Variants in FLNB observed in about 807,000 individuals in gnomAD.
FLNB encodes the protein filamin B.
A neutral mutation model predicts 250.6 loss-of-function variants in FLNB; 111 were observed. The observed-to-expected ratio is 0.44, with a 90% confidence interval of 0.38 to 0.52. The LOEUF is 0.52. Among genes scored for constraint, FLNB ranks in the 20% least tolerant of loss-of-function variants. FLNB has a pLI of 0.00. For missense variants in FLNB, 2,869 were observed against 3,447.8 expected (o/e 0.83, Z 4.20); for synonymous variants, 1,302 against 1,372.1 (o/e 0.95, Z 1.13).
In FLNB at chr3:58,126,681, G is replaced by A; in HGVS notation, c.4141G>A (p.Gly1381Ser). 1 of 1,613,690 alleles carries A rather than the reference G, an allele frequency of 6.2e-7. No individual in the cohort carries two copies. Among genetic ancestry groups the A allele is most frequent in the Non-Finnish European group, 8.5e-7 (1 of 1,179,588 alleles). ...SKINCRDNKD[G>S]SCSAEYIPFA... ...GATAAATTGCAGAGACAACAAGGATGGCAGCTGCAGTGCTGAGTACATTCC... is the reference window on the plus strand; with the variant it reads ...GATAAATTGCAGAGACAACAAGGATAGCAGCTGCAGTGCTGAGTACATTCC... Residue 1381 changes from glycine to serine, a missense_variant, in exon 24 of 46, where the codon GGC becomes AGC. Coordinates refer to ENST00000295956, the MANE Select transcript of FLNB (RefSeq NM_001457.4).
chr3:58,020,297 C>T (rs945411408), intron 1 of FLNB, among the ~76,000 whole-genome samples: 2 of 152,196 alleles, frequency 1.3e-5, no homozygotes, highest in Non-Finnish European at 2.9e-5. Context: ...TAGCACCCAG[C>T]CTTTATCAGT....
chr3:58,084,896 T>A (rs892505268), intron 4 of FLNB, among the ~76,000 whole-genome samples: 1 of 152,176 alleles, frequency 6.6e-6, no homozygotes, highest in African/African-American at 2.4e-5. Context: ...AATCATACGC[T>A]GTCTGTTAGG....
chr3:58,136,800 G>A (rs1361181271), intron 28 of FLNB, among the ~76,000 whole-genome samples: 1 of 121,256 alleles, frequency 8.2e-6, no homozygotes, highest in Non-Finnish European at 1.6e-5. Flanking sequence ...TGCCCAGGCT[G>A]GAGTGCAGTG....
Position 58,049,820 on chromosome 3 carries a change from G to A in FLNB, c.293-27226G>A, listed in dbSNP as rs115577663. ...CCCCTTAAATTGGGGAGGAGGGGTG[G>A]CTGATGTGGAAACTGTTCATTAGAC... On this transcript the variant is annotated intron_variant, in intron 1 of 45. Transcript: ENST00000295956. Among the ~76,000 whole-genome samples, 1,300 of 152,252 alleles carry A rather than the reference G, an allele frequency of 8.5e-3. 21 individuals are homozygous for A. The highest frequency in any genetic ancestry group is 0.029 in the African/African-American group (1,204 of 41,538).
intron 2 of FLNB, 92 bp from the exon 3 acceptor site, chr3:58,078,625 A>G: frequency 6.6e-7 from 1 of 1,513,554 alleles, no homozygotes; most frequent in Non-Finnish European, 9.0e-7. Context: ...TCTCTGAACT[A>G]AAAGAAAAAA....
At chr3:58,076,516 G>T (rs1026641651) in intron 1 of FLNB, among the ~76,000 whole-genome samples, 2 of 152,026 alleles carry the variant, frequency 1.3e-5, no homozygotes, top group Non-Finnish European at 2.9e-5. Flanking sequence ...GTGCAGTGGC[G>T]TGACGTCAGC....
chr3:58,131,214 G>A (rs530367932), intron 25 of FLNB, among the ~76,000 whole-genome samples: 2 of 152,306 alleles, frequency 1.3e-5, no homozygotes, highest in Admixed American at 1.3e-4. Context: ...CAGCATTTGT[G>A]AGGGGGTGGG....
At chr3:58,136,275 C>T (rs2097315772) in intron 28 of FLNB, 107 bp downstream of exon 28, 2 of 1,085,688 alleles carry the variant, frequency 1.8e-6, no homozygotes, top group African/African-American at 1.6e-5. Context: ...GCACGTTGCT[C>T]AACCTCACTG....
chr3:58,037,356 C>T (rs533522691), intron 1 of FLNB, among the ~76,000 whole-genome samples: 3 of 152,186 alleles, frequency 2.0e-5, no homozygotes, highest in African/African-American at 4.8e-5. Context: ...TAAGCCACCA[C>T]GCCTGGCCGA....
At chr3:58,077,367 A>G in intron 2 of FLNB, 73 bp downstream of exon 2, 9 of 1,548,460 alleles carry the variant, frequency 5.8e-6, no homozygotes, top group Non-Finnish European at 8.0e-6. Context: ...CTGGTTTTCA[A>G]CGGGAATGCT....
At chr3:58,019,577 A>G (rs2097110738) in intron 1 of FLNB, among the ~76,000 whole-genome samples, 1 of 152,202 alleles carries the variant, frequency 6.6e-6, no homozygotes, top group Admixed American at 6.5e-5. Context: ...ATCATGCTGT[A>G]AAGGACTTTT....
At chr3:58,167,200 CT>C (rs1559743855) in intron 43 of FLNB, among the ~76,000 whole-genome samples, 2 of 152,296 alleles carry the variant, frequency 1.3e-5, no homozygotes, top group Middle Eastern at 3.4e-3. Flanking sequence ...ACACTGTCTC[CT>C]TGTTGCTCAC....
intron 25 of FLNB, chr3:58,131,860 G>A: frequency 1.8e-6 from 2 of 1,102,066 alleles, no homozygotes; most frequent in Non-Finnish European, 2.6e-6. Flanking sequence ...AAAGAAGAAA[G>A]AGAAGCTTTA....
At chr3:58,135,878 G>C (rs2107224166) in intron 27 of FLNB, 101 bp from the exon 28 acceptor site, 1 of 1,202,282 alleles carries the variant, frequency 8.3e-7, no homozygotes. Flanking sequence ...AATTCTGTCT[G>C]TTTCCACTAG....
chr3:58,058,856 T>C (rs1324628982), intron 1 of FLNB, among the ~76,000 whole-genome samples: 1 of 152,232 alleles, frequency 6.6e-6, no homozygotes, highest in Non-Finnish European at 1.5e-5. Flanking sequence ...TTTTATAGAA[T>C]GTAACCTCCC....
intron 17 of FLNB, 92 bp from the exon 18 acceptor site, chr3:58,112,057 T>C: frequency 7.5e-7 from 1 of 1,327,542 alleles, no homozygotes. Context: ...GCTGTCATAA[T>C]AGACCTGGTG....
chr3:58,062,678 G>A lies in FLNB; in HGVS notation c.293-14368G>A, dbSNP rs2097180269. Among the ~76,000 whole-genome samples, 2 of 152,192 alleles carry A rather than the reference G, an allele frequency of 1.3e-5. 1 individual carries two copies. Among genetic ancestry groups the A allele is most frequent in the South Asian group, 4.1e-4 (2 of 4,820 alleles). On this transcript the variant is annotated intron_variant, in intron 1 of 45. Coordinates refer to ENST00000295956, the MANE Select transcript of FLNB (RefSeq NM_001457.4). ...GGTGGCCTGCAGACTAGAGCACACT[G>A]CCAGTTCATTCAGCAGCTCACCGAG...
chr3:58,017,695 TCTGCAAA>T (rs2097107777), intron 1 of FLNB, among the ~76,000 whole-genome samples: 1 of 152,212 alleles, frequency 6.6e-6, no homozygotes. Flanking sequence ...TTGTAACTCT[TCTGCAAA>T]CTGTTTATTT....
At chr3:58,048,188 A>G (rs1450409288) in intron 1 of FLNB, among the ~76,000 whole-genome samples, 1 of 152,092 alleles carries the variant, frequency 6.6e-6, no homozygotes, top group African/African-American at 2.4e-5. Flanking sequence ...ACATACCTCA[A>G]CTTTTCCTTT....
Sources: gnomAD v4.1 joint callset for allele counts (sites outside exome capture counted in the v4.1 genomes callset) on GRCh38, gnomAD v4.1.1 for gene constraint, MANE v1.5 for transcripts, NCBI Gene and HGNC (gene_info 2026-07-23, HGNC 2026-07-21) for gene names.